PITPNM3: variants seen among roughly 807,000 people sequenced by gnomAD.
PITPNM3 encodes the protein PITPNM family member 3.
Under a neutral mutation model 102.0 loss-of-function variants are expected in PITPNM3, and 26 were observed. That is an observed-to-expected ratio of 0.25 (90% CI 0.19 to 0.35). The LOEUF is 0.35. Among genes scored for constraint, PITPNM3 ranks in the 10% least tolerant of loss-of-function variants. The pLI is 1.00. For missense variants in PITPNM3, 1,083 were observed against 1,346.1 expected (o/e 0.80, Z 3.06); for synonymous variants, 578 against 558.6 (o/e 1.03, Z -0.49).
chr17:6,487,979 C>T (rs2150587430), intron 4 of PITPNM3, among the ~76,000 whole-genome samples: 1 of 152,288 alleles, frequency 6.6e-6, no homozygotes, highest in Non-Finnish European at 1.5e-5. Context: ...GCACAAAAGC[C>T]AGGAATGCTT....
intron 1 of PITPNM3, among the ~76,000 whole-genome samples, chr17:6,539,969 A>T (rs1909646730): frequency 6.6e-6 from 1 of 152,196 alleles, no homozygotes; most frequent in Admixed American, 6.5e-5. Context: ...CCTGAGTTTG[A>T]ACAGCAAGAG....
intron 6 of PITPNM3, 48 bp downstream of exon 6, chr17:6,483,469 G>T (rs1276953262): frequency 1.3e-6 from 2 of 1,555,802 alleles, no homozygotes; most frequent in Non-Finnish European, 1.8e-6. Context: ...CCTCCACTTA[G>T]TTCCCCCACC....
At chr17:6,554,399 G>A (rs1047010175) in intron 1 of PITPNM3, among the ~76,000 whole-genome samples, 9 of 151,962 alleles carry the variant, frequency 5.9e-5, no homozygotes, top group African/African-American at 2.2e-4. Context: ...TGAGAAGGGA[G>A]AGGTAACCAG....
chr17:6,506,683 T>C (rs1241969337), intron 3 of PITPNM3, among the ~76,000 whole-genome samples: 1 of 152,194 alleles, frequency 6.6e-6, no homozygotes, highest in Non-Finnish European at 1.5e-5. Flanking sequence ...GTTTTCTATT[T>C]GCTACTGTAT....
chr17:6,524,124 G>A (rs985571846), intron 3 of PITPNM3, among the ~76,000 whole-genome samples: 2 of 152,190 alleles, frequency 1.3e-5, no homozygotes, highest in African/African-American at 2.4e-5. Flanking sequence ...GGCAAGGATG[G>A]GGATGAGAAA....
At chr17:6,496,084 TCTC>T (rs1358637569) in intron 4 of PITPNM3, among the ~76,000 whole-genome samples, 1 of 152,102 alleles carries the variant, frequency 6.6e-6, no homozygotes, top group Admixed American at 6.5e-5. Flanking sequence ...TCTGGGCTCT[TCTC>T]CTTCAGGGGT....
chr17:6,484,276 A>C lies in PITPNM3; in HGVS notation c.291T>G (p.Val97=). Residue 97 remains valine, a synonymous_variant, in exon 5 of 20, where the codon GTT becomes GTG. Coordinates refer to ENST00000262483, the MANE Select transcript of PITPNM3 (RefSeq NM_031220.4). ...CTGGGAACCTCTGTCTTCTCAAGGAAACCCGGTACAGTTCTCCTGCAGAGG... is the reference window on the plus strand; with the variant it reads ...CTGGGAACCTCTGTCTTCTCAAGGACACCCGGTACAGTTCTCCTGCAGAGG... The part of the protein sequence containing the change: ...LQEKQRELYR[V]SLRRQRFPAQ... 1.2e-6 allele frequency: 2 copies of C among 1,608,596 alleles called. No individual in the cohort carries two copies. Among genetic ancestry groups the C allele is most frequent in the Non-Finnish European group, 1.7e-6 (2 of 1,175,068 alleles).
rs1904441801 is a variant in PITPNM3, at chr17:6,461,370, C to A, written c.2490+3G>T. ...GAGTCCCCACCCCAGGATGGCCACTCACCTCCTGCATGAGGTTGCGCAGGA... is the reference window on the plus strand; with the variant it reads ...GAGTCCCCACCCCAGGATGGCCACTAACCTCCTGCATGAGGTTGCGCAGGA... On this transcript the variant is annotated splice_donor_region_variant and intron_variant, in intron 18 of 19. Coordinates refer to ENST00000262483, the MANE Select transcript of PITPNM3 (RefSeq NM_031220.4). The A allele has an allele frequency of 6.2e-7, 1 of 1,613,710 alleles. No individual in the cohort carries two copies. The highest frequency in any genetic ancestry group is 8.5e-7 in the Non-Finnish European group (1 of 1,179,920).
intron 4 of PITPNM3, among the ~76,000 whole-genome samples, chr17:6,485,915 G>A (rs760632086): frequency 5.9e-5 from 9 of 152,164 alleles, no homozygotes; most frequent in South Asian, 4.1e-4. Context: ...TATGGCAGGC[G>A]GCTTTTGTGC....
intron 2 of PITPNM3, among the ~76,000 whole-genome samples, chr17:6,536,208 G>A (rs1461313530): frequency 1.3e-5 from 2 of 152,192 alleles, no homozygotes; most frequent in South Asian, 2.1e-4. Flanking sequence ...CAGAGACAAT[G>A]GAGGGGCCAG....
intron 3 of PITPNM3, among the ~76,000 whole-genome samples, chr17:6,508,879 C>A (rs143382574): frequency 6.6e-6 from 1 of 152,156 alleles, no homozygotes; most frequent in Admixed American, 6.5e-5. Context: ...AGGGAGGAGC[C>A]GGCTTGAACC....
At position 6,483,763 on chromosome 17, in the gene PITPNM3, A is replaced by G. The variant is rs1462171735; in HGVS notation, c.352-11T>C. 2.5e-6 allele frequency: 4 copies of G among 1,609,350 alleles called. No homozygotes were observed. The highest frequency in any genetic ancestry group is 3.4e-6 in the Non-Finnish European group (4 of 1,179,840). Reference sequence around the variant, plus strand: ...CTGCGGGCAGCCTTCCTGAGAGCCAAGGCGGTTGGAATACAGAGAGAGAGG... The same window carrying G: ...CTGCGGGCAGCCTTCCTGAGAGCCAGGGCGGTTGGAATACAGAGAGAGAGG... On this transcript the variant is annotated splice_polypyrimidine_tract_variant and intron_variant, in intron 5 of 19. Coordinates refer to ENST00000262483, the MANE Select transcript of PITPNM3 (RefSeq NM_031220.4).
At chr17:6,504,728 A>T (rs1218889876) in intron 3 of PITPNM3, among the ~76,000 whole-genome samples, 5 of 152,176 alleles carry the variant, frequency 3.3e-5, no homozygotes, top group Non-Finnish European at 7.3e-5. Flanking sequence ...TTATAATTGG[A>T]TACCTGGATT....
In PITPNM3 at chr17:6,478,491, C is replaced by T. The variant is rs1905452925; in HGVS notation, c.777+56G>A. The T allele has an allele frequency of 2.5e-6, 4 of 1,598,746 alleles. No homozygotes were observed. In the Admixed American group the frequency reaches 5.0e-5, roughly 20 times the overall value. ...CCTTTCAGTAGATTCCAGCCTCTCT[C>T]CCAGGCCGGGGCCGGAACAGGGGAG... On this transcript the variant is annotated intron_variant, in intron 7 of 19. Transcript: ENST00000262483. The surrounding 1 kb of genome is among the most constrained non-coding windows in gnomAD (Gnocchi z 4.4).
Position 6,455,372 on chromosome 17 carries a change from G to A in PITPNM3, c.2891C>T (p.Ala964Val), listed in dbSNP as rs761263388. Residue 964 changes from alanine to valine, a missense_variant, in exon 20 of 20, where the codon GCG becomes GTG. This residue lies in a region of PITPNM3 where 208 missense variants were observed against 178.2 expected (regional missense o/e 1.17). Transcript: ENST00000262483. ...CGACTCGAACTTGGGGGGCCCACGC[G>A]CCCAGCTGAGCGCCGGCAGCGGCCG... ...HERPLPALSW[A>V]RGPPKFESVP 10 of 1,587,170 alleles carry A rather than the reference G, an allele frequency of 6.3e-6. No individual in the cohort carries two copies. The South Asian group carries it at 9.1e-5, about 14-fold the overall frequency.
chr17:6,527,909 T>A (rs940883603), intron 2 of PITPNM3, among the ~76,000 whole-genome samples: 2 of 152,188 alleles, frequency 1.3e-5, no homozygotes, highest in Non-Finnish European at 2.9e-5. Context: ...CCCTGTGGGG[T>A]CTCCCAGGGC....
At chr17:6,540,999 C>T (rs998642500) in intron 1 of PITPNM3, among the ~76,000 whole-genome samples, 3 of 152,180 alleles carry the variant, frequency 2.0e-5, no homozygotes, top group Non-Finnish European at 4.4e-5. Flanking sequence ...CCAGGTCTTC[C>T]CTCCCCTCCA....
chr17:6,523,101 C>T (rs1244713831), intron 3 of PITPNM3, among the ~76,000 whole-genome samples: 1 of 152,128 alleles, frequency 6.6e-6, no homozygotes, highest in African/African-American at 2.4e-5. Context: ...TTCCCGCTCC[C>T]CATTCTGTAC....
At chr17:6,551,435 T>C (rs924184928) in intron 1 of PITPNM3, among the ~76,000 whole-genome samples, 4 of 152,100 alleles carry the variant, frequency 2.6e-5, no homozygotes, top group Admixed American at 6.5e-5. Flanking sequence ...AACCTTCCCA[T>C]TGGGGACCAA....
Sources: gnomAD v4.1 joint callset for allele counts (sites outside exome capture counted in the v4.1 genomes callset) on GRCh38, gnomAD v4.1.1 for gene constraint, gnomAD v4.1.1 regional missense constraint, Gnocchi (gnomAD v3.1) non-coding constraint, MANE v1.5 for transcripts, NCBI Gene and HGNC (gene_info 2026-07-23, HGNC 2026-07-21) for gene names.